Variants in CYP2F1 observed in about 807,000 individuals in gnomAD.
CYP2F1 encodes cytochrome P450 family 2 subfamily F member 1.
In CYP2F1, 33 loss-of-function variants were observed where a neutral mutation model predicts 40.4. The ratio of observed to expected loss-of-function variants is 0.82; its 90% CI spans 0.62 to 1.09. The LOEUF is 1.09. CYP2F1 is among the 50% of genes least tolerant of loss of function. The pLI is 0.00. For synonymous variants in CYP2F1, 235 were observed against 277.2 expected (o/e 0.85, Z 1.51); for missense variants, 566 against 655.7 (o/e 0.86, Z 1.49).
rs116903020 is a variant in CYP2F1, at chr19:41,122,776, G to T, written c.823-46G>T. On this transcript the variant is annotated intron_variant, in intron 6 of 9. Coordinates refer to ENST00000331105, the MANE Select transcript of CYP2F1 (RefSeq NM_000774.5). The stretch of plus-strand genomic sequence containing the variant: ...AGCAGTTGTACTGGTCTAGAGTGAA[G>T]GGGCCTCCATTCCTGGCTCACATCC... 553 of 1,509,948 alleles carry T rather than the reference G, an allele frequency of 3.7e-4. 4 individuals are homozygous for T. In the East Asian group the frequency reaches 0.012, roughly 32 times the overall value. The allele number at this position is 1,509,948 out of a possible 1,614,324, so 93.5% of individuals were successfully genotyped here.
chr19:41,120,287 G>C, intron 3 of CYP2F1, 60 bp from the exon 4 acceptor site: 1 of 1,491,882 alleles, frequency 6.7e-7, no homozygotes, highest in African/African-American at 1.4e-5. Flanking sequence ...AAGGGGACCT[G>C]GGTGGCAGTG....
Position 41,122,811 on chromosome 19 carries a change from T to C in CYP2F1, c.823-11T>C. On this transcript the variant is annotated splice_polypyrimidine_tract_variant and intron_variant, in intron 6 of 9. Coordinates refer to ENST00000331105, the MANE Select transcript of CYP2F1 (RefSeq NM_000774.5). ...TTCCTGGCTCACATCCCCACCCCTC[T>C]ACCAATGCAGGAGAAGGAGGACCCA... The C allele has an allele frequency of 6.5e-7, 1 of 1,527,304 alleles. No individual in the cohort carries two copies. The highest frequency in any genetic ancestry group is 8.8e-7 in the Non-Finnish European group (1 of 1,137,238). The allele number at this position is 1,527,304 out of a possible 1,614,324, so 94.6% of individuals were successfully genotyped here.
chr19:41,120,500 A>G lies in CYP2F1; in HGVS notation c.484+4A>G. ...GCGGAGCTGCGGAAAACTGAAGGTCAGGAATTTTTTTTAACAGGCTGGATG... is the reference window on the plus strand; with the variant it reads ...GCGGAGCTGCGGAAAACTGAAGGTCGGGAATTTTTTTTAACAGGCTGGATG... On this transcript the variant is annotated splice_donor_region_variant and intron_variant, in intron 4 of 9. Transcript: ENST00000331105. 2 of 1,609,652 alleles carry G rather than the reference A, an allele frequency of 1.2e-6. No homozygotes were observed. The highest frequency in any genetic ancestry group is 1.7e-5 in the Admixed American group (1 of 58,514).
At chr19:41,122,475 T>C (rs1291249710) in intron 6 of CYP2F1, among the ~76,000 whole-genome samples, 2 of 151,706 alleles carry the variant, frequency 1.3e-5, no homozygotes, top group African/African-American at 2.4e-5. Flanking sequence ...CTACAACACA[T>C]ACGTACACAC....
Position 41,128,240 on chromosome 19 carries a change from A to G in CYP2F1, c.*158A>G, listed in dbSNP as rs1376931186. On this transcript the variant is annotated 3_prime_UTR_variant, in exon 10 of 10. Transcript: ENST00000331105. Reference sequence around the variant, plus strand: ...CGCGTGCCCTTCCCCCATCCCTCCAATCTGTGCCCCGTCTGCAGGGCAGAG... The same window carrying G: ...CGCGTGCCCTTCCCCCATCCCTCCAGTCTGTGCCCCGTCTGCAGGGCAGAG... The G allele has an allele frequency of 4.7e-6, 3 of 644,038 alleles. No homozygotes were observed. The highest frequency in any genetic ancestry group is 4.3e-5 in the South Asian group (2 of 46,250). 39.9% of individuals were successfully genotyped at this position (644,038 alleles called of 1,614,324 possible).
chr19:41,116,938 T>G (rs1355656680), intron 3 of CYP2F1, among the ~76,000 whole-genome samples: 1 of 151,918 alleles, frequency 6.6e-6, no homozygotes, highest in African/African-American at 2.4e-5. Context: ...TGGCCCCAGT[T>G]CCCACTGACC....
chr19:41,122,833 C>T lies in CYP2F1; in HGVS notation c.834C>T (p.Asp278=), dbSNP rs923573842. The stretch of plus-strand genomic sequence containing the variant: ...CTCTACCAATGCAGGAGAAGGAGGA[C>T]CCACTGAGCCACTTCCACATGGATA... The part of the protein sequence containing the change: ...FLTKMAEEKE[D]PLSHFHMDTL... The change falls in exon 7 of 10, where the codon GAC becomes GAT. Residue 278 remains aspartate, a synonymous_variant. Transcript: ENST00000331105. 1.2e-5 allele frequency: 18 copies of T among 1,538,198 alleles called. No homozygotes were observed. Among genetic ancestry groups the T allele is most frequent in the Non-Finnish European group, 1.5e-5 (17 of 1,141,660 alleles).
rs374776224 is a variant in CYP2F1, at chr19:41,122,893, C to T, written c.894C>T (p.Gly298=). 9.6e-5 allele frequency: 153 copies of T among 1,601,478 alleles called. No individual in the cohort carries two copies. The highest frequency in any genetic ancestry group is 1.2e-4 in the Non-Finnish European group (145 of 1,173,322). ...LLMTTHNLLF[G]GTKTVSTTLH... The stretch of plus-strand genomic sequence containing the variant: ...TGACCACACATAACCTGCTCTTTGG[C>T]GGCACCAAGACGGTGAGCACCACGC... The change falls in exon 7 of 10, where the codon GGC becomes GGT. Residue 298 remains glycine (G), a synonymous_variant. Transcript: ENST00000331105.
intron 1 of CYP2F1, among the ~76,000 whole-genome samples, chr19:41,115,024 C>T (rs891055160): frequency 2.0e-4 from 31 of 152,264 alleles, no homozygotes; most frequent in African/African-American, 7.0e-4. Context: ...CCTGCCTCGG[C>T]CTCCCAGAGT....
chr19:41,125,115 C>A, intron 8 of CYP2F1: 1 of 580,056 alleles, frequency 1.7e-6, no homozygotes, highest in Non-Finnish European at 3.0e-6. Context: ...GTGGACTAGA[C>A]CCCTTCACCA....
At chr19:41,127,198 C>T (rs1280948463) in intron 9 of CYP2F1, among the ~76,000 whole-genome samples, 2 of 152,136 alleles carry the variant, frequency 1.3e-5, no homozygotes, top group Non-Finnish European at 2.9e-5. Flanking sequence ...AATACTAAGG[C>T]CTGCCTCTTG....
intron 9 of CYP2F1, among the ~76,000 whole-genome samples, chr19:41,126,948 A>T (rs1355695999): frequency 6.6e-6 from 1 of 151,968 alleles, no homozygotes; most frequent in African/African-American, 2.4e-5. Flanking sequence ...CTCTTTACTC[A>T]GTGGCAGGAA....
At chr19:41,119,376 G>A (rs576786424) in intron 3 of CYP2F1, among the ~76,000 whole-genome samples, 108 of 152,206 alleles carry the variant, frequency 7.1e-4, no homozygotes, top group African/African-American at 2.3e-3. Flanking sequence ...ACTTTGGGAG[G>A]CCGAGGTGAG....
At chr19:41,114,788 CT>C (rs36044091) in intron 1 of CYP2F1, among the ~76,000 whole-genome samples, 1,559 of 99,612 alleles carry the variant, frequency 0.016, 6 homozygotes, top group African/African-American at 0.055. Flanking sequence ...CTCTCTCTCT[CT>C]TTTTTTTTTT....
intron 5 of CYP2F1, 52 bp from the exon 6 acceptor site, chr19:41,121,905 C>G: frequency 6.4e-7 from 1 of 1,552,462 alleles, no homozygotes; most frequent in Non-Finnish European, 8.8e-7. Context: ...CCATTCGCCC[C>G]TGAACACCCT....
At chr19:41,124,245 T>TTCCCCCC (rs374387876) in intron 7 of CYP2F1, among the ~76,000 whole-genome samples, 1 of 29,824 alleles carries the variant, frequency 3.4e-5, no homozygotes, top group African/African-American at 1.7e-4. Flanking sequence ...TTTTTCCTCT[T>TTCCCCCC]CCCCCCCCCC....
intron 1 of CYP2F1, among the ~76,000 whole-genome samples, chr19:41,115,142 A>ATT (rs769592475): frequency 1.4e-5 from 2 of 139,272 alleles, no homozygotes; most frequent in African/African-American, 2.7e-5. Flanking sequence ...TGCCTCTCTT[A>ATT]TTCTCTCTCT....
chr19:41,124,883 T>C lies in CYP2F1; in HGVS notation c.1129T>C (p.Phe377Leu). ...LPHRVTRDTA[F>L]RGFLIPKGTD... ...GCACCGCGTCACTAGGGACACGGCC[T>C]TTCGCGGCTTCCTGATACCCAAGGT... Residue 377 changes from phenylalanine (F) to leucine (L), a missense_variant, in exon 8 of 10, where the codon TTT becomes CTT. Phe to Leu is a conservative substitution (Grantham distance 22). Coordinates refer to ENST00000331105, the MANE Select transcript of CYP2F1 (RefSeq NM_000774.5). The C allele has an allele frequency of 6.2e-7, 1 of 1,607,230 alleles. No individual in the cohort carries two copies. Among genetic ancestry groups the C allele is most frequent in the Non-Finnish European group, 8.5e-7 (1 of 1,178,322 alleles).
intron 4 of CYP2F1, among the ~76,000 whole-genome samples, chr19:41,121,205 T>C (rs151151658): frequency 0.015 from 2,224 of 152,166 alleles, 58 homozygotes; most frequent in African/African-American, 0.051. Flanking sequence ...TTGCCAAGAA[T>C]AGCCCGTTCT....
Sources: gnomAD v4.1 joint callset for allele counts (sites outside exome capture counted in the v4.1 genomes callset) on GRCh38, gnomAD v4.1.1 for gene constraint, MANE v1.5 for transcripts, NCBI Gene and HGNC (gene_info 2026-07-23, HGNC 2026-07-21) for gene names.